The following CCDC169 variants were observed in gnomAD, a reference collection of about 807,000 sequenced individuals.
The protein encoded by CCDC169 is coiled-coil domain containing 169, also known as coiled-coil domain-containing protein 169.
A neutral mutation model predicts 36.0 loss-of-function variants in CCDC169; 30 were observed. The observed-to-expected ratio is 0.83, with a 90% CI of 0.62 to 1.13. The LOEUF is 1.13. CCDC169 is among the 50% of genes most tolerant of loss of function. CCDC169 has a pLI of 0.00. For synonymous variants in CCDC169, 85 were observed against 81.5 expected (o/e 1.04, Z -0.23); for missense variants, 245 against 245.9 (o/e 1.00, Z 0.03).
intron 4 of CCDC169, chr13:36,281,115 G>C (rs991273466): frequency 1.1e-5 from 4 of 353,578 alleles, no homozygotes; most frequent in African/African-American, 8.7e-5. Context: ...ACGTGAAGCA[G>C]CTGAGAAGGC....
At position 36,297,739 on chromosome 13, in the gene CCDC169, C is replaced by T; in HGVS notation, c.-20G>A. ...CTTCATAGTGTCAGGCCAGAGACCT[C>T]CCGCGTCTTTCCCCTCAGCACCTTA... On this transcript the variant is annotated 5_prime_UTR_variant, in exon 1 of 8. Coordinates refer to ENST00000239859, the MANE Select transcript of CCDC169 (RefSeq NM_001144981.3). 6.5e-7 allele frequency: 1 copy of T among 1,549,780 alleles called. No homozygotes were observed. The highest frequency in any genetic ancestry group is 2.0e-5 in the Admixed American group (1 of 51,010).
At chr13:36,259,101 C>A (rs1874287842) in intron 4 of CCDC169, among the ~76,000 whole-genome samples, 1 of 152,194 alleles carries the variant, frequency 6.6e-6, no homozygotes, top group Admixed American at 6.5e-5. Context: ...CTCCCAGGAT[C>A]CTGCTCCCTC....
chr13:36,240,605 C>T (rs1417528918), intron 7 of CCDC169: 1 of 1,280,808 alleles, frequency 7.8e-7, no homozygotes, highest in Non-Finnish European at 1.0e-6. Context: ...GGTTCTTTTG[C>T]TCCAGGGTAC....
intron 4 of CCDC169, among the ~76,000 whole-genome samples, chr13:36,274,993 C>T (rs1055862330): frequency 1.3e-5 from 2 of 151,772 alleles, no homozygotes; most frequent in Non-Finnish European, 2.9e-5. Context: ...CTCAGCCTCC[C>T]GAGCAGCTGG....
At chr13:36,224,645 C>T (rs1306537756), downstream of CCDC169, 1 of 152,024 alleles carries the variant, frequency 6.6e-6, no homozygotes, top group Non-Finnish European at 1.5e-5. Flanking sequence ...AATCAGACAA[C>T]ATAAACAAAT....
chr13:36,285,697 C>A (rs898351157), intron 2 of CCDC169, among the ~76,000 whole-genome samples: 2 of 151,836 alleles, frequency 1.3e-5, no homozygotes, highest in African/African-American at 4.8e-5. Flanking sequence ...AAATGGAATC[C>A]GGCTGCTTGC....
At chr13:36,283,874 CCA>C (rs1257996891) in intron 2 of CCDC169, among the ~76,000 whole-genome samples, 172 bp from the exon 3 acceptor site, 3 of 152,078 alleles carry the variant, frequency 2.0e-5, no homozygotes, top group Non-Finnish European at 4.4e-5. Context: ...GTAAGATTTT[CCA>C]GACTGCAAGA....
chr13:36,289,676 C>T (rs1244600282), intron 2 of CCDC169, among the ~76,000 whole-genome samples: 2 of 152,102 alleles, frequency 1.3e-5, no homozygotes, highest in Non-Finnish European at 2.9e-5. Context: ...CAAAATAATT[C>T]ATATGTTGTC....
chr13:36,222,077 G>A (rs1173637809), exon 7 of CCDC169: 4 of 152,120 alleles, frequency 2.6e-5, no homozygotes, highest in East Asian at 1.9e-4. Flanking sequence ...TTCTGGCTTT[G>A]AGAGTAACAG....
chr13:36,243,363 G>A (rs776667086), intron 7 of CCDC169, among the ~76,000 whole-genome samples: 1 of 151,938 alleles, frequency 6.6e-6, no homozygotes, highest in Non-Finnish European at 1.5e-5. Flanking sequence ...AGCCAGGAAT[G>A]GTGGCACACA....
At chr13:36,241,596 A>G (rs968575479) in intron 7 of CCDC169, among the ~76,000 whole-genome samples, 1 of 152,184 alleles carries the variant, frequency 6.6e-6, no homozygotes, top group Admixed American at 6.5e-5. Flanking sequence ...TTATTTTCAT[A>G]TATGTATATA....
chr13:36,274,930 G>A (rs971395003), intron 4 of CCDC169, among the ~76,000 whole-genome samples: 18 of 142,238 alleles, frequency 1.3e-4, no homozygotes, highest in Non-Finnish European at 2.2e-4. Flanking sequence ...GTGCAGTGGC[G>A]CGATCTCTGC....
At chr13:36,227,038 C>T (rs1312356034), downstream of CCDC169, 6 of 433,078 alleles carry the variant, frequency 1.4e-5, no homozygotes, top group East Asian at 3.4e-5. Flanking sequence ...GAAGTCAGCT[C>T]GAGGAGAGTT....
In CCDC169 at chr13:36,294,078, AC is replaced by A. The variant is rs149229996; in HGVS notation, c.163+1699del. Among the ~76,000 whole-genome samples, 802 of 152,246 alleles carry A rather than the reference AC, an allele frequency of 5.3e-3. 9 individuals are homozygous for A. Among genetic ancestry groups the A allele is most frequent in the African/African-American group, 0.019 (777 of 41,540 alleles). On this transcript the variant is annotated intron_variant, in intron 2 of 7. Coordinates refer to ENST00000239859, the MANE Select transcript of CCDC169 (RefSeq NM_001144981.3). ...TCCATATATGGGGATAATAATAACT[AC>A]CTCACCTGACACAGTCCCTGGCTTT...
At chr13:36,287,071 T>C (rs1878343186) in intron 2 of CCDC169, among the ~76,000 whole-genome samples, 1 of 152,232 alleles carries the variant, frequency 6.6e-6, no homozygotes, top group South Asian at 2.1e-4. Flanking sequence ...TTTGTGTACA[T>C]TTTAAACTGA....
intron 7 of CCDC169, among the ~76,000 whole-genome samples, chr13:36,238,841 C>A (rs939192466): frequency 6.6e-6 from 1 of 152,060 alleles, no homozygotes; most frequent in African/African-American, 2.4e-5. Context: ...GAATGCAACT[C>A]ATTAGTGGAT....
chr13:36,286,151 G>A (rs1423788231), intron 2 of CCDC169, among the ~76,000 whole-genome samples: 2 of 152,180 alleles, frequency 1.3e-5, no homozygotes, highest in East Asian at 3.9e-4. Context: ...CTGATGGCTA[G>A]CTGACCCATG....
chr13:36,250,275 G>C (rs1432041674), intron 6 of CCDC169, among the ~76,000 whole-genome samples: 1 of 152,128 alleles, frequency 6.6e-6, no homozygotes, highest in East Asian at 1.9e-4. Flanking sequence ...ATAGCATTTG[G>C]TCTAACGGCA....
At chr13:36,246,946 G>C (rs1872568878) in intron 7 of CCDC169, among the ~76,000 whole-genome samples, 1 of 152,166 alleles carries the variant, frequency 6.6e-6, no homozygotes, top group African/African-American at 2.4e-5. Context: ...AGCTAGAGAG[G>C]AGAAGACAAT....
Sources: gnomAD v4.1 joint callset for allele counts (sites outside exome capture counted in the v4.1 genomes callset) on GRCh38, gnomAD v4.1.1 for gene constraint, MANE v1.5 for transcripts, NCBI Gene and HGNC (gene_info 2026-07-23, HGNC 2026-07-21) for gene names.